The following PTPRG variants were observed in gnomAD, a reference collection of about 807,000 sequenced individuals.
PTPRG encodes the protein protein tyrosine phosphatase receptor type G.
In PTPRG, 102 loss-of-function variants were observed where a neutral mutation model predicts 165.3. The observed-to-expected ratio is 0.62, with a 90% confidence interval of 0.53 to 0.73. The LOEUF (loss-of-function observed/expected upper bound fraction) is 0.73. PTPRG is among the 30% of genes least tolerant of loss of function. The probability of loss-of-function intolerance (pLI) is 0.00; values close to 1 mark genes in which losing one functional copy is unlikely to be tolerated. For missense variants in PTPRG, 1,866 were observed against 1,861.4 expected, an observed-to-expected ratio of 1.00 and a Z score of -0.05; for synonymous variants, 675 against 669.5, an observed-to-expected ratio of 1.01 and a Z score of -0.13.
chr3:62,086,499 G>T (rs1038053574), intron 5 of PTPRG, among the ~76,000 whole-genome samples: 5 of 152,104 alleles, frequency 3.3e-5, no homozygotes, highest in Non-Finnish European at 7.4e-5. Flanking sequence ...TTCTTAGACT[G>T]CTTTACAAGA....
chr3:61,826,284 A>G (rs1196751501), intron 2 of PTPRG, among the ~76,000 whole-genome samples: 3 of 152,188 alleles, frequency 2.0e-5, no homozygotes, highest in Non-Finnish European at 2.9e-5. Context: ...TGAGTAGTAT[A>G]TAGTGAATAT....
At chr3:62,129,611 T>C (rs1003147956) in intron 5 of PTPRG, among the ~76,000 whole-genome samples, 20 of 152,156 alleles carry the variant, frequency 1.3e-4, no homozygotes, top group Admixed American at 3.3e-4. Context: ...AAATTCCCTC[T>C]AGCAATAATG....
chr3:62,010,927 C>T (rs533608862), intron 4 of PTPRG, among the ~76,000 whole-genome samples: 2 of 151,972 alleles, frequency 1.3e-5, no homozygotes, highest in Non-Finnish European at 2.9e-5. Context: ...GTCTCATGAC[C>T]AGGAAAAATT....
At chr3:62,074,180 A>AGTGTGTGTGTGT (rs140019903) in intron 4 of PTPRG, among the ~76,000 whole-genome samples, 284 of 143,686 alleles carry the variant, frequency 2.0e-3, no homozygotes, top group African/African-American at 6.1e-3. Context: ...AAAAAGTGAG[A>AGTGTGTGTGTGT]GTGTGTGTGT....
intron 2 of PTPRG, among the ~76,000 whole-genome samples, chr3:61,814,125 T>C (rs1216162129): frequency 6.6e-6 from 1 of 152,204 alleles, no homozygotes; most frequent in African/African-American, 2.4e-5. Context: ...GGTCTCGAAC[T>C]CCTGACCTCA....
rs567906197 is a variant in PTPRG, at chr3:61,830,925, A to G, written c.190+81943A>G. ...AATGCATCAAAATTTGTGGAGCTGTAGTGAAATTTGTGCTTTGTTTTTACT... is the reference window on the plus strand; with the variant it reads ...AATGCATCAAAATTTGTGGAGCTGTGGTGAAATTTGTGCTTTGTTTTTACT... On this transcript the variant is annotated intron_variant, in intron 2 of 29. Transcript: ENST00000474889. Among the ~76,000 whole-genome samples the G allele has an allele frequency of 3.3e-5, 5 of 152,310 alleles. No individual in the cohort carries two copies. In the South Asian group the frequency reaches 1.0e-3, roughly 32 times the overall value.
In PTPRG at chr3:61,751,577, A is replaced by G. The variant is rs185100672; in HGVS notation, c.190+2595A>G. On this transcript the variant is annotated intron_variant, in intron 2 of 29. Coordinates refer to ENST00000474889, the MANE Select transcript of PTPRG (RefSeq NM_002841.4). The stretch of plus-strand genomic sequence containing the variant: ...AAGTCATATAGACAAACCATAGTTC[A>G]AAGCGAAGTTTTGTTAATATCTTGA... Among the ~76,000 whole-genome samples the G allele has an allele frequency of 7.4e-4, 112 of 152,304 alleles. 2 individuals carry two copies. In the East Asian group the frequency reaches 0.013, roughly 17 times the overall value.
At chr3:62,062,583 C>G (rs1700853038) in intron 4 of PTPRG, among the ~76,000 whole-genome samples, 1 of 152,102 alleles carries the variant, frequency 6.6e-6, no homozygotes, top group Admixed American at 6.5e-5. Context: ...ACAGAGACAT[C>G]TATTTTTTGA....
At chr3:61,696,523 A>C (rs902670735) in intron 1 of PTPRG, among the ~76,000 whole-genome samples, 1 of 152,152 alleles carries the variant, frequency 6.6e-6, no homozygotes, top group Admixed American at 6.5e-5. Context: ...AAACAAACAA[A>C]TTCTAGCCAC....
At chr3:62,116,830 C>T (rs1211329452) in intron 5 of PTPRG, among the ~76,000 whole-genome samples, 3 of 152,162 alleles carry the variant, frequency 2.0e-5, no homozygotes, top group African/African-American at 7.2e-5. Flanking sequence ...ATGGGAAGAC[C>T]ATTTTAAACT....
chr3:62,132,872 T>G (rs1271475938), intron 6 of PTPRG, among the ~76,000 whole-genome samples: 1 of 152,168 alleles, frequency 6.6e-6, no homozygotes, highest in Non-Finnish European at 1.5e-5. Context: ...CAGTAAGCAG[T>G]TTGTTTCTTT....
intron 23 of PTPRG, among the ~76,000 whole-genome samples, chr3:62,274,728 T>G (rs906867961): frequency 9.2e-5 from 14 of 152,144 alleles, no homozygotes; most frequent in Non-Finnish European, 2.1e-4. Flanking sequence ...AAAAATAGTT[T>G]AATTTCACTG....
chr3:61,772,122 A>G (rs572075258), intron 2 of PTPRG, among the ~76,000 whole-genome samples: 22 of 150,912 alleles, frequency 1.5e-4, no homozygotes, highest in African/African-American at 4.8e-4. Context: ...AATCATCTTC[A>G]TGTTCCTTCT....
At chr3:61,648,938 C>T (rs1214122024) in intron 1 of PTPRG, among the ~76,000 whole-genome samples, 1 of 152,152 alleles carries the variant, frequency 6.6e-6, no homozygotes, top group Non-Finnish European at 1.5e-5. Flanking sequence ...TGAGCTGTCT[C>T]AGGAAATCCA....
chr3:62,070,777 CCTTCA>C (rs1348478673), intron 4 of PTPRG, among the ~76,000 whole-genome samples: 36 of 151,972 alleles, frequency 2.4e-4, no homozygotes, highest in Admixed American at 6.6e-4. Flanking sequence ...GTTTACTTTG[CCTTCA>C]CTTCACATCT....
chr3:62,087,459 A>AC (rs1330700842), intron 5 of PTPRG, among the ~76,000 whole-genome samples: 1 of 152,226 alleles, frequency 6.6e-6, no homozygotes, highest in Non-Finnish European at 1.5e-5. Flanking sequence ...TACAAACACC[A>AC]CTAATAAAAG....
chr3:61,566,598 C>G (rs759730171), intron 1 of PTPRG, among the ~76,000 whole-genome samples: 1 of 152,192 alleles, frequency 6.6e-6, no homozygotes, highest in South Asian at 2.1e-4. Flanking sequence ...ACCTCTACTT[C>G]CCAGGTTCAA....
intron 12 of PTPRG, among the ~76,000 whole-genome samples, chr3:62,211,639 A>G (rs1700361020): frequency 6.6e-6 from 1 of 152,190 alleles, no homozygotes; most frequent in Non-Finnish European, 1.5e-5. Flanking sequence ...ATTTATAAGT[A>G]TGCATATCGT....
At chr3:62,166,391 C>CA in intron 7 of PTPRG, among the ~76,000 whole-genome samples, 1 of 151,724 alleles carries the variant, frequency 6.6e-6, no homozygotes, top group South Asian at 2.1e-4. Context: ...GGCTGGAGTG[C>CA]AGTGGCACAA....
Sources: allele counts gnomAD v4.1 joint callset (sites outside exome capture counted in the v4.1 genomes callset), GRCh38; gene constraint gnomAD v4.1.1; transcripts MANE v1.5; gene names NCBI Gene and HGNC (gene_info 2026-07-23, HGNC 2026-07-21).